Variants in RAB6A observed in about 807,000 individuals in gnomAD.
RAB6A encodes the protein RAB6A, member RAS oncogene family.
Under a neutral mutation model 32.3 loss-of-function variants are expected in RAB6A, and 8 were observed. The observed-to-expected ratio is 0.25, with a 90% CI of 0.15 to 0.45. RAB6A has a LOEUF of 0.45. RAB6A is among the 20% of genes least tolerant of loss of function. The pLI, the probability that RAB6A is intolerant of heterozygous loss-of-function variation, is 1.00. For synonymous variants in RAB6A, 73 were observed against 82.1 expected (o/e 0.89, Z 0.60); for missense variants, 104 against 249.4 (o/e 0.42, Z 3.93).
chr11:73,708,188 G>A (rs1360754993), intron 5 of RAB6A, among the ~76,000 whole-genome samples: 2 of 151,544 alleles, frequency 1.3e-5, no homozygotes, highest in Non-Finnish European at 2.9e-5. Flanking sequence ...TCTTTTTTTT[G>A]AGACAGTTTT....
Position 73,677,861 on chromosome 11 carries a change from G to T in RAB6A, c.*37C>A. 2 of 1,613,338 alleles carry T rather than the reference G, an allele frequency of 1.2e-6. No homozygotes were observed. Among genetic ancestry groups the T allele is most frequent in the Middle Eastern group, 1.6e-4 (1 of 6,062 alleles). On this transcript the variant is annotated 3_prime_UTR_variant, in exon 8 of 8. Coordinates refer to ENST00000336083, the MANE Select transcript of RAB6A (RefSeq NM_198896.2). ...ATGAAAGAGTAAGGGGGCCAAAGCA[G>T]TGAGCTTCTGAAGAAGGTTGAAGAT... is the stretch of plus-strand genomic sequence containing the variant.
At chr11:73,702,554 A>G (rs1003135700) in intron 6 of RAB6A, among the ~76,000 whole-genome samples, 1 of 152,230 alleles carries the variant, frequency 6.6e-6, no homozygotes, top group Admixed American at 6.5e-5. Context: ...TTTCCAGTAC[A>G]TATAAGAACA....
chr11:73,722,058 T>TGTGTGTG (rs1270436615), intron 2 of RAB6A, among the ~76,000 whole-genome samples: 22 of 147,670 alleles, frequency 1.5e-4, no homozygotes, highest in Non-Finnish European at 1.2e-4. Flanking sequence ...TCTGCCATGA[T>TGTGTGTG]TGTAAGTTTC....
intron 1 of RAB6A, among the ~76,000 whole-genome samples, chr11:73,736,185 T>C (rs1052612878): frequency 6.6e-6 from 1 of 152,014 alleles, no homozygotes; most frequent in Non-Finnish European, 1.5e-5. Context: ...TCTCAGCACT[T>C]TGAGAGGCCA....
chr11:73,760,898 G>A lies in RAB6A; in HGVS notation c.-263C>T, dbSNP rs1396936210. The stretch of plus-strand genomic sequence containing the variant: ...GAGGGCGGTGTCGGCAGGAGCCAGG[G>A]GTGTCCTCTGGCTTCCCAAAGCTAG... On this transcript the variant is annotated 5_prime_UTR_variant, in exon 1 of 8. Transcript: ENST00000336083. The A allele has an allele frequency of 4.5e-6, 2 of 447,962 alleles. No individual in the cohort carries two copies. The highest frequency in any genetic ancestry group is 8.2e-6 in the Non-Finnish European group (2 of 242,874). 27.7% of individuals were successfully genotyped at this position (447,962 alleles called of 1,614,324 possible).
Position 73,718,840 on chromosome 11 carries a change from G to T in RAB6A, c.184-122C>A, listed in dbSNP as rs61758773. ...CAGAATCACGGATGTAACTGGGAATGAGGCTACGGAAACGTTCCTGACCCG... is the reference window on the plus strand; with the variant it reads ...CAGAATCACGGATGTAACTGGGAATTAGGCTACGGAAACGTTCCTGACCCG... On this transcript the variant is annotated intron_variant, in intron 3 of 7. Coordinates refer to ENST00000336083, the MANE Select transcript of RAB6A (RefSeq NM_198896.2). 6,093 of 1,613,318 alleles carry T rather than the reference G, an allele frequency of 3.8e-3. 26 individuals carry two copies. The highest frequency in any genetic ancestry group is 4.5e-3 in the Admixed American group (272 of 59,964).
Position 73,704,927 on chromosome 11 carries a change from C to T in RAB6A, c.495+2493G>A, listed in dbSNP as rs1009631940. 4.6e-5 allele frequency among the ~76,000 whole-genome samples: 7 copies of T among 151,376 alleles called. No individual in the cohort carries two copies. In the East Asian group the frequency reaches 5.9e-4, roughly 13 times the overall value. ...AGGAGAATGGCGTGAACCTGGGAGG[C>T]GGAGCTTGCAGTGAGCCGAGATCAC... On this transcript the variant is annotated intron_variant, in intron 6 of 7. Transcript: ENST00000336083.
intron 1 of RAB6A, among the ~76,000 whole-genome samples, chr11:73,740,818 G>A (rs962995072): frequency 7.2e-5 from 11 of 151,744 alleles, no homozygotes; most frequent in African/African-American, 2.7e-4. Flanking sequence ...AACCTGGGAG[G>A]CAGAGGTTGC....
At chr11:73,698,765 G>A (rs1159978988) in intron 6 of RAB6A, among the ~76,000 whole-genome samples, 1 of 144,024 alleles carries the variant, frequency 6.9e-6, no homozygotes, top group Non-Finnish European at 1.5e-5. Context: ...TCATACATAT[G>A]TTAATTTTTC....
At chr11:73,751,854 T>TA (rs1389497231) in intron 1 of RAB6A, among the ~76,000 whole-genome samples, 1 of 152,026 alleles carries the variant, frequency 6.6e-6, no homozygotes, top group African/African-American at 2.4e-5. Context: ...CAAAAAGACT[T>TA]AAAGACCTAA....
chr11:73,713,292 T>C (rs969978484), intron 5 of RAB6A, among the ~76,000 whole-genome samples: 8 of 152,156 alleles, frequency 5.3e-5, no homozygotes, highest in African/African-American at 1.9e-4. Context: ...CTTTCAGGGC[T>C]GGGTGTGGTG....
intron 1 of RAB6A, among the ~76,000 whole-genome samples, chr11:73,745,484 C>T (rs1403217524): frequency 6.6e-6 from 1 of 152,078 alleles, no homozygotes; most frequent in Non-Finnish European, 1.5e-5. Flanking sequence ...GTGACTAACG[C>T]CTATAATCCC....
intron 3 of RAB6A, 133 bp downstream of exon 3, chr11:73,720,713 T>G: frequency 1.4e-6 from 1 of 699,868 alleles, no homozygotes; most frequent in Non-Finnish European, 2.4e-6. Context: ...TAATAAGAGT[T>G]TTTCTCAACA....
In RAB6A at chr11:73,753,686, C is replaced by T. The variant is rs181917715; in HGVS notation, c.70+6880G>A. ...AGATTGCGCCACTGCACTCCAGCCT[C>T]GGTGACTGAGCGAGATTCCGTCTGA... On this transcript the variant is annotated intron_variant, in intron 1 of 7. Transcript: ENST00000336083. Among the ~76,000 whole-genome samples the T allele has an allele frequency of 5.2e-4, 79 of 150,990 alleles. No individual in the cohort carries two copies. In the Middle Eastern group the frequency reaches 0.01, roughly 20 times the overall value.
chr11:73,732,326 C>T (rs571126070), intron 1 of RAB6A, among the ~76,000 whole-genome samples: 1 of 152,220 alleles, frequency 6.6e-6, no homozygotes, highest in South Asian at 2.1e-4. Flanking sequence ...GTGGCTCACG[C>T]CTGTAATCCC....
intron 6 of RAB6A, among the ~76,000 whole-genome samples, chr11:73,682,905 T>C (rs534664617): frequency 7.9e-5 from 12 of 152,152 alleles, no homozygotes; most frequent in Non-Finnish European, 1.8e-4. Flanking sequence ...CATTAAACAA[T>C]GAATTAAAAG....
At chr11:73,707,562 T>C in intron 5 of RAB6A, 49 bp from the exon 6 acceptor site, 1 of 1,287,602 alleles carries the variant, frequency 7.8e-7, no homozygotes, top group East Asian at 2.3e-5. Flanking sequence ...GAGGCAGTAT[T>C]ATAAAGATTA....
chr11:73,736,800 A>T (rs1946400769), intron 1 of RAB6A, among the ~76,000 whole-genome samples: 2 of 52,908 alleles, frequency 3.8e-5, no homozygotes, highest in South Asian at 9.4e-4. Flanking sequence ...TCGAGAAAGA[A>T]AAAAAAAAGA....
intron 6 of RAB6A, among the ~76,000 whole-genome samples, chr11:73,681,656 A>G (rs1945359631): frequency 6.6e-6 from 1 of 152,160 alleles, no homozygotes; most frequent in Admixed American, 6.6e-5. Flanking sequence ...TAAGAATACA[A>G]AAATTAGCCA....
Sources: gnomAD v4.1 joint callset for allele counts (sites outside exome capture counted in the v4.1 genomes callset) on GRCh38, gnomAD v4.1.1 for gene constraint, MANE v1.5 for transcripts, NCBI Gene and HGNC (gene_info 2026-07-23, HGNC 2026-07-21) for gene names.